The following EIF4ENIF1 variants were observed in gnomAD, a reference collection of about 807,000 sequenced individuals.
EIF4ENIF1 encodes eukaryotic translation initiation factor 4E nuclear import factor 1, also known as eukaryotic translation initiation factor 4E transporter.
In EIF4ENIF1, 23 loss-of-function variants were observed where a neutral mutation model predicts 110.5. The ratio of observed to expected loss-of-function variants is 0.21; its 90% CI spans 0.15 to 0.29. The LOEUF is 0.29. EIF4ENIF1 is among the 10% of genes least tolerant of loss of function. The pLI, the probability that EIF4ENIF1 is intolerant of heterozygous loss-of-function variation, is 1.00. For missense variants in EIF4ENIF1, 1,031 were observed against 1,221.1 expected, an observed-to-expected ratio of 0.84 and a Z score of 2.32; for synonymous variants, 440 against 437.0, an observed-to-expected ratio of 1.01 and a Z score of -0.09.
Position 31,471,859 on chromosome 22 carries a change from G to A in EIF4ENIF1, c.155C>T (p.Ser52Phe), listed in dbSNP as rs2051391654. ...PHSKQRPSCL[S>F]EKYDSDGVWD... ...ACACACATACCTGTCATATTTTTCA[G>A]AAAGGCATGAAGGCCTCTGTTTGGA... Residue 52 changes from serine (S) to phenylalanine (F), a missense_variant, in exon 3 of 19, where the codon TCT (serine) becomes TTT (phenylalanine). Ser to Phe is a radical substitution (Grantham distance 155). Transcript: ENST00000330125. The A allele has an allele frequency of 6.2e-7, 1 of 1,604,078 alleles. No individual in the cohort carries two copies. The highest frequency in any genetic ancestry group is 2.3e-5 in the East Asian group (1 of 44,402).
At chr22:31,448,617 C>T (rs191094092) in intron 12 of EIF4ENIF1, among the ~76,000 whole-genome samples, 2 of 152,332 alleles carry the variant, frequency 1.3e-5, no homozygotes, top group African/African-American at 2.4e-5. Context: ...AAAAATGCCT[C>T]TCAAGGTTTG....
chr22:31,467,997 T>A (rs1466434576), intron 4 of EIF4ENIF1, among the ~76,000 whole-genome samples, 178 bp downstream of exon 4: 1 of 152,180 alleles, frequency 6.6e-6, no homozygotes, highest in Non-Finnish European at 1.5e-5. Flanking sequence ...TATATAGCTG[T>A]GACAAAGTAG....
intron 10 of EIF4ENIF1, chr22:31,450,842 AC>A (rs756585952): frequency 0.06 from 6,329 of 106,086 alleles, 137 homozygotes; most frequent in Non-Finnish European, 0.067. Flanking sequence ...ATATATATAT[AC>A]TACACACACA....
chr22:31,467,386 A>G (rs940323691), intron 4 of EIF4ENIF1, among the ~76,000 whole-genome samples: 1 of 152,170 alleles, frequency 6.6e-6, no homozygotes, highest in Non-Finnish European at 1.5e-5. Flanking sequence ...GACTGCTTTT[A>G]TATTACCTGG....
Position 31,444,621 on chromosome 22 carries a change from G to A in EIF4ENIF1, c.2058C>T (p.Ala686=). Residue 686 remains alanine, a synonymous_variant, in exon 15 of 19, where the codon GCC becomes GCT. Transcript: ENST00000330125. ...GGTCACTGACCATGCTTGTGATGGA[G>A]GCAGCAGGGGCAGGGGAAGAGGAAT... The part of the protein sequence containing the change: ...RGNSSSPAPA[A]SITSMLSPSF... The A allele has an allele frequency of 1.9e-6, 3 of 1,614,126 alleles. No individual in the cohort carries two copies. Among genetic ancestry groups the A allele is most frequent in the Non-Finnish European group, 2.5e-6 (3 of 1,179,994 alleles).
At chr22:31,450,560 T>C (rs2050614568) in intron 10 of EIF4ENIF1, 200 bp from the exon 11 acceptor site, 1 of 457,362 alleles carries the variant, frequency 2.2e-6, no homozygotes, top group Non-Finnish European at 4.0e-6. Flanking sequence ...ACCGTTCACA[T>C]GTACATGCAA....
At chr22:31,491,365 T>G (rs530213534), upstream of EIF4ENIF1, among the ~76,000 whole-genome samples, 2 of 152,250 alleles carry the variant, frequency 1.3e-5, no homozygotes, top group African/African-American at 2.4e-5. Flanking sequence ...CTAATCCCCT[T>G]TAGTGTCTTG....
At chr22:31,467,519 A>G (rs1032302354) in intron 4 of EIF4ENIF1, among the ~76,000 whole-genome samples, 2 of 152,140 alleles carry the variant, frequency 1.3e-5, no homozygotes, top group African/African-American at 4.8e-5. Flanking sequence ...ACAGTCCACT[A>G]TGAATTAAGA....
intron 3 of EIF4ENIF1, among the ~76,000 whole-genome samples, chr22:31,471,282 G>A (rs1437048457): frequency 6.6e-6 from 1 of 151,282 alleles, no homozygotes; most frequent in Non-Finnish European, 1.5e-5. Context: ...CACTGGTAGA[G>A]GACAAGACCC....
chr22:31,484,560 C>T (rs1157777570), intron 2 of EIF4ENIF1, among the ~76,000 whole-genome samples: 2 of 151,812 alleles, frequency 1.3e-5, no homozygotes, highest in Admixed American at 6.6e-5. Flanking sequence ...AAAAAATCAC[C>T]GGCCGGCTCA....
chr22:31,480,168 C>T (rs2051758795), intron 2 of EIF4ENIF1, among the ~76,000 whole-genome samples: 1 of 152,178 alleles, frequency 6.6e-6, no homozygotes, highest in Admixed American at 6.6e-5. Flanking sequence ...CCAAGAGCCA[C>T]ACACCCAAGG....
At chr22:31,461,281 G>A (rs2050985619) in intron 6 of EIF4ENIF1, among the ~76,000 whole-genome samples, 1 of 152,116 alleles carries the variant, frequency 6.6e-6, no homozygotes, top group South Asian at 2.1e-4. Context: ...CATCAGCCTG[G>A]GACTGGCCAC....
In EIF4ENIF1 at chr22:31,440,712, T is replaced by A. The variant is rs1275629161; in HGVS notation, c.2708A>T (p.Gln903Leu). 1 of 1,613,874 alleles carries A rather than the reference T, an allele frequency of 6.2e-7. No homozygotes were observed. The change falls in exon 18 of 19, where the codon CAG becomes CTG. Residue 903 changes from glutamine to leucine, a missense_variant. Gln to Leu is a moderately radical substitution (Grantham distance 113). Coordinates refer to ENST00000330125, the MANE Select transcript of EIF4ENIF1 (RefSeq NM_019843.4). ...LHLAMVQQQLQRSVLHPPGSG... is the reference protein window; with the variant it reads ...LHLAMVQQQLLRSVLHPPGSG... ...CACATTCCTGAACCTACCTGAGCGCTGTAGCTGCTGTTGCACCATTGCCAG... is the reference window on the plus strand; with the variant it reads ...CACATTCCTGAACCTACCTGAGCGCAGTAGCTGCTGTTGCACCATTGCCAG...
At chr22:31,478,366 A>T (rs1419035281) in intron 2 of EIF4ENIF1, among the ~76,000 whole-genome samples, 1 of 151,118 alleles carries the variant, frequency 6.6e-6, no homozygotes, top group Non-Finnish European at 1.5e-5. Flanking sequence ...TAAAAAAACT[A>T]GCTGGGCCTG....
In EIF4ENIF1 at chr22:31,449,528, G is replaced by A. The variant is rs1357939582; in HGVS notation, c.1588C>T (p.Leu530Phe). Residue 530 changes from leucine (L) to phenylalanine (F), a missense_variant, in exon 12 of 19, where the codon CTT (leucine) becomes TTT (phenylalanine). Around this residue, in one of 3 missense-constraint regions of EIF4ENIF1, gnomAD observed 704 missense variants for 879.7 expected, o/e 0.80. Coordinates refer to ENST00000330125, the MANE Select transcript of EIF4ENIF1 (RefSeq NM_019843.4). ...GGTCTCTGAACTGGTTGACCCAGAA[G>A]TTCCTAAAGGCAGAAAAGCCAAATC... Reference protein sequence around the residue: ...QPVPKNILQELLGQPVQRPAS... With the variant: ...QPVPKNILQEFLGQPVQRPAS... The A allele has an allele frequency of 1.9e-6, 3 of 1,610,066 alleles. No individual in the cohort carries two copies. The highest frequency in any genetic ancestry group is 2.5e-6 in the Non-Finnish European group (3 of 1,178,882).
intron 2 of EIF4ENIF1, among the ~76,000 whole-genome samples, chr22:31,487,951 A>G (rs1379225560): frequency 6.6e-6 from 1 of 152,174 alleles, no homozygotes; most frequent in Non-Finnish European, 1.5e-5. Flanking sequence ...AGGGACCCAG[A>G]AATGAATTTA....
intron 4 of EIF4ENIF1, among the ~76,000 whole-genome samples, chr22:31,465,182 G>GC (rs2145998455): frequency 6.6e-6 from 1 of 151,928 alleles, no homozygotes; most frequent in Non-Finnish European, 1.5e-5. Context: ...AATTAGCCAG[G>GC]CGTGGTGGTA....
intron 11 of EIF4ENIF1, 76 bp from the exon 12 acceptor site, chr22:31,449,607 T>G: frequency 7.2e-7 from 1 of 1,391,772 alleles, no homozygotes; most frequent in Non-Finnish European, 9.8e-7. Context: ...TGGATTAACT[T>G]TTGAGAGCCA....
chr22:31,454,463 A>G, intron 9 of EIF4ENIF1, 87 bp from the exon 10 acceptor site: 2 of 1,126,988 alleles, frequency 1.8e-6, no homozygotes, highest in Non-Finnish European at 2.5e-6. Context: ...ATAAGATGAA[A>G]ATAATTTATT....
Sources: gnomAD v4.1 joint callset for allele counts (sites outside exome capture counted in the v4.1 genomes callset) on GRCh38, gnomAD v4.1.1 for gene constraint, gnomAD v4.1.1 regional missense constraint, MANE v1.5 for transcripts, NCBI Gene and HGNC (gene_info 2026-07-23, HGNC 2026-07-21) for gene names.